Variants in NMU observed in about 807,000 individuals in gnomAD.
NMU encodes the protein neuromedin U, also known as neuromedin-U.
A neutral mutation model predicts 35.4 loss-of-function variants in NMU; 29 were observed. The observed-to-expected ratio is 0.82, with a 90% CI of 0.61 to 1.12. NMU has a LOEUF of 1.12. NMU is among the 50% of genes most tolerant of loss of function. NMU has a pLI of 0.00. For synonymous variants in NMU, 78 were observed against 81.3 expected (o/e 0.96, Z 0.22); for missense variants, 199 against 206.2 (o/e 0.97, Z 0.21).
intron 7 of NMU, 71 bp from the exon 8 acceptor site, chr4:55,600,646 T>C (rs1256911016): frequency 9.3e-7 from 1 of 1,079,168 alleles, no homozygotes; most frequent in Non-Finnish European, 1.4e-6. Flanking sequence ...CTTGAAAGTA[T>C]ATTGAGGGTC....
In NMU at chr4:55,636,015, A is replaced by G. The variant is rs1715895242; in HGVS notation, c.112+66T>C. ...AGGTGAGAGAAAGAGGGTGGAGGAGAGCGGTGAGTGGAGCCAGAGAGAGGC... is the reference window on the plus strand; with the variant it reads ...AGGTGAGAGAAAGAGGGTGGAGGAGGGCGGTGAGTGGAGCCAGAGAGAGGC... On this transcript the variant is annotated intron_variant, in intron 1 of 9. Coordinates refer to ENST00000264218, the MANE Select transcript of NMU (RefSeq NM_006681.4). This position sits in a 1 kb window ranked among gnomAD's most constrained non-coding sequence, Gnocchi z 4.0. The G allele has an allele frequency of 2.6e-6, 4 of 1,532,202 alleles. No homozygotes were observed. In the East Asian group the frequency reaches 9.8e-5, roughly 38 times the overall value. 94.9% of individuals were successfully genotyped at this position (1,532,202 alleles called of 1,614,324 possible).
At chr4:55,611,630 C>T (rs62308665) in intron 3 of NMU, among the ~76,000 whole-genome samples, 34,519 of 151,966 alleles carry the variant, frequency 0.23, 4,246 homozygotes, top group South Asian at 0.27. Context: ...TTATCTTTTA[C>T]ATTATGTATT....
At chr4:55,617,220 G>A (rs548658350) in intron 2 of NMU, among the ~76,000 whole-genome samples, 174 of 152,190 alleles carry the variant, frequency 1.1e-3, no homozygotes, top group South Asian at 2.3e-3. Context: ...CCAGGGGGCG[G>A]ATTATTATAC....
At chr4:55,630,077 C>A (rs1267051185) in intron 2 of NMU, among the ~76,000 whole-genome samples, 2 of 151,588 alleles carry the variant, frequency 1.3e-5, no homozygotes, top group African/African-American at 4.9e-5. Flanking sequence ...AAGTGTGATA[C>A]TGATAGACAA....
chr4:55,595,974 T>C (rs1049393470), intron 9 of NMU, among the ~76,000 whole-genome samples: 2 of 152,092 alleles, frequency 1.3e-5, no homozygotes, highest in Non-Finnish European at 2.9e-5. Flanking sequence ...TCATTTAATC[T>C]GTCTCTAATG....
chr4:55,606,286 T>C (rs926271978), intron 6 of NMU, among the ~76,000 whole-genome samples: 3 of 152,220 alleles, frequency 2.0e-5, no homozygotes, highest in Non-Finnish European at 4.4e-5. Flanking sequence ...TATAGTCAAA[T>C]AATTTCTAAG....
intron 2 of NMU, 136 bp from the exon 3 acceptor site, chr4:55,616,521 A>G (rs1734113273): frequency 1.4e-6 from 1 of 726,128 alleles, no homozygotes; most frequent in East Asian, 2.7e-5. Flanking sequence ...TTTGGAAGAC[A>G]GGAGCCTCAA....
intron 3 of NMU, among the ~76,000 whole-genome samples, chr4:55,610,871 G>T (rs1291504263): frequency 6.6e-6 from 1 of 152,128 alleles, no homozygotes; most frequent in Non-Finnish European, 1.5e-5. Context: ...TAATGATCCT[G>T]ACCTGTGTAG....
At chr4:55,599,248 G>A in intron 8 of NMU, 67 bp from the exon 9 acceptor site, 2 of 1,298,218 alleles carry the variant, frequency 1.5e-6, no homozygotes, top group South Asian at 2.4e-5. Context: ...CATAGAAACA[G>A]ATTGATGATT....
chr4:55,604,025 A>ACGTATATATACATGTG (rs1733566269), intron 7 of NMU, among the ~76,000 whole-genome samples: 1 of 71,956 alleles, frequency 1.4e-5, no homozygotes, highest in South Asian at 3.6e-4. Flanking sequence ...GTGTATATAT[A>ACGTATATATACATGTG]TAATCCTAGA....
chr4:55,596,614 T>G (rs150876798), intron 9 of NMU, among the ~76,000 whole-genome samples: 3 of 152,154 alleles, frequency 2.0e-5, no homozygotes, highest in Non-Finnish European at 4.4e-5. Flanking sequence ...TTTCTCATAT[T>G]CCTTATGTGA....
At position 55,636,117 on chromosome 4, in the gene NMU, G is replaced by A. The variant is rs1357891454; in HGVS notation, c.76C>T (p.Leu26=). The A allele has an allele frequency of 3.9e-6, 6 of 1,529,598 alleles. No individual in the cohort carries two copies. In the Admixed American group the frequency reaches 7.9e-5, roughly 20 times the overall value. 94.8% of individuals were successfully genotyped at this position (1,529,598 alleles called of 1,614,324 possible). A position where few individuals can be genotyped will look rare whatever the true frequency, so the allele number is the denominator to read the frequency against. ...VAAASPLLLL[L]LLLAWCAGAC... is the part of the protein sequence containing the mutation. ...CCCGCGCACCAGGCGAGCAGCAGCAGCAGCAGCAGGAGCGGGGACGCCGCG... is the reference window on the plus strand; with the variant it reads ...CCCGCGCACCAGGCGAGCAGCAGCAACAGCAGCAGGAGCGGGGACGCCGCG... Residue 26 remains leucine (L), a synonymous_variant, in exon 1 of 10, where the codon CTG becomes TTG. Coordinates refer to ENST00000264218, the MANE Select transcript of NMU (RefSeq NM_006681.4). The surrounding 1 kb of genome is among the most constrained non-coding windows in gnomAD (Gnocchi z 4.0).
intron 1 of NMU, among the ~76,000 whole-genome samples, chr4:55,632,315 T>C (rs1180498079): frequency 1.3e-5 from 2 of 152,222 alleles, no homozygotes; most frequent in African/African-American, 4.8e-5. Flanking sequence ...AGGCAACTCT[T>C]GCCTTGAATT....
At chr4:55,619,808 CT>C (rs1287083245) in intron 2 of NMU, among the ~76,000 whole-genome samples, 1 of 145,888 alleles carries the variant, frequency 6.9e-6, no homozygotes, top group African/African-American at 2.5e-5. Context: ...CAGCACGCAG[CT>C]GGAGATCTGA....
At chr4:55,595,542 G>GTATATATATATA (rs35083424) in intron 9 of NMU, 131 bp from the exon 10 acceptor site, 33 of 107,978 alleles carry the variant, frequency 3.1e-4, no homozygotes, top group East Asian at 2.1e-3. Flanking sequence ...TTTCCCAGCT[G>GTATATATATATA]TATATATATA....
At chr4:55,630,282 G>A (rs1444716533) in intron 2 of NMU, 120 bp downstream of exon 2, 6 of 814,206 alleles carry the variant, frequency 7.4e-6, no homozygotes, top group Non-Finnish European at 1.2e-5. Flanking sequence ...GTAATTCTGG[G>A]TTTTATTATT....
At chr4:55,598,510 G>A (rs771484509) in intron 9 of NMU, among the ~76,000 whole-genome samples, 54 of 152,108 alleles carry the variant, frequency 3.6e-4, no homozygotes, top group Admixed American at 5.9e-4. Context: ...AACTTTTATT[G>A]TCTAATAAAA....
intron 3 of NMU, among the ~76,000 whole-genome samples, chr4:55,613,163 G>A (rs1336811852): frequency 6.6e-6 from 1 of 152,136 alleles, no homozygotes; most frequent in East Asian, 1.9e-4. Context: ...AGAGTAGAGG[G>A]TGGAAAGAGG....
chr4:55,608,170 ATC>A (rs1373794083), intron 4 of NMU, among the ~76,000 whole-genome samples: 4 of 38,698 alleles, frequency 1.0e-4, no homozygotes, highest in African/African-American at 1.6e-4. Context: ...GCGAGACTCC[ATC>A]TCAAAAAAAA....
Sources: gnomAD v4.1 joint callset for allele counts (sites outside exome capture counted in the v4.1 genomes callset) on GRCh38, gnomAD v4.1.1 for gene constraint, Gnocchi (gnomAD v3.1) non-coding constraint, MANE v1.5 for transcripts, NCBI Gene and HGNC (gene_info 2026-07-23, HGNC 2026-07-21) for gene names.